The following MYO18B variants were observed in gnomAD, a reference collection of about 807,000 sequenced individuals.
MYO18B encodes the protein unconventional myosin-XVIIIb.
MYO18B carries 204 observed loss-of-function variants against 273.0 expected under a neutral mutation model. The ratio of observed to expected loss-of-function variants is 0.75; its 90% CI spans 0.67 to 0.84. The LOEUF (loss-of-function observed/expected upper bound fraction) is 0.84, where lower values mean the gene tolerates loss of function less well. Among genes scored for constraint, MYO18B ranks in the 40% least tolerant of loss-of-function variants. MYO18B has a pLI of 0.00. For synonymous variants in MYO18B, 1,330 were observed against 1,305.7 expected (o/e 1.02, Z -0.40); for missense variants, 3,212 against 3,287.6 (o/e 0.98, Z 0.56).
At chr22:25,833,284 G>T (rs1430150075) in intron 16 of MYO18B, among the ~76,000 whole-genome samples, 2 of 152,186 alleles carry the variant, frequency 1.3e-5, no homozygotes, top group Non-Finnish European at 2.9e-5. Context: ...GGGAGCCTGA[G>T]GCCTGAGCCA....
chr22:26,016,072 A>G (rs763420170), intron 42 of MYO18B, among the ~76,000 whole-genome samples: 1 of 152,146 alleles, frequency 6.6e-6, no homozygotes, highest in Non-Finnish European at 1.5e-5. Flanking sequence ...TGAGTCTGAG[A>G]TTTTCTGTCA....
At chr22:25,880,142 T>C (rs1289554160) in intron 25 of MYO18B, among the ~76,000 whole-genome samples, 1 of 152,188 alleles carries the variant, frequency 6.6e-6, no homozygotes. Context: ...TGCTGTTCTA[T>C]GTAGACTTTC....
chr22:26,021,021 A>C (rs1474337869), intron 42 of MYO18B, among the ~76,000 whole-genome samples: 1 of 152,224 alleles, frequency 6.6e-6, no homozygotes, highest in African/African-American at 2.4e-5. Context: ...CCCTGGAGGC[A>C]GAGTTTGCAG....
At chr22:25,982,573 A>G (rs1219938522) in intron 39 of MYO18B, among the ~76,000 whole-genome samples, 1 of 152,208 alleles carries the variant, frequency 6.6e-6, no homozygotes, top group African/African-American at 2.4e-5. Flanking sequence ...CTAGGGGACA[A>G]TCTGTTCCAG....
At chr22:26,032,695 A>AT (rs938022383), downstream of MYO18B, among the ~76,000 whole-genome samples, 20 of 151,572 alleles carry the variant, frequency 1.3e-4, no homozygotes, top group Middle Eastern at 3.4e-3. Flanking sequence ...CTAATTTTGC[A>AT]TTTTTTTAGT....
intron 27 of MYO18B, among the ~76,000 whole-genome samples, chr22:25,893,926 A>C (rs2091731545): frequency 6.6e-6 from 1 of 151,302 alleles, no homozygotes; most frequent in African/African-American, 2.4e-5. Flanking sequence ...TGTCTACACT[A>C]ACATCCATCC....
intron 1 of MYO18B, among the ~76,000 whole-genome samples, chr22:25,752,788 C>G (rs976749573): frequency 1.3e-5 from 2 of 152,204 alleles, no homozygotes; most frequent in African/African-American, 2.4e-5. Context: ...CTAGGCTGGC[C>G]GAGGCCGGAG....
chr22:25,856,587 G>A (rs1250171918), intron 21 of MYO18B, among the ~76,000 whole-genome samples: 1 of 152,188 alleles, frequency 6.6e-6, no homozygotes, highest in Non-Finnish European at 1.5e-5. Flanking sequence ...CATTTCAGAA[G>A]TAGGTGATGC....
At position 25,768,594 on chromosome 22, in the gene MYO18B, AG is replaced by A; in HGVS notation, c.680del (p.Gly227GlufsTer5). 1 of 1,529,786 alleles carries A rather than the reference AG, an allele frequency of 6.5e-7. No homozygotes were observed. The highest frequency in any genetic ancestry group is 8.7e-7 in the Non-Finnish European group (1 of 1,143,496). 94.8% of individuals were successfully genotyped at this position (1,529,786 alleles called of 1,614,324 possible). On this transcript the variant is annotated frameshift_variant, in exon 4 of 44. Transcript: ENST00000335473. LOFTEE classifies it high-confidence loss of function. ...RTGGLGDPGQGTVALKKGEEG... is the reference protein window; with the variant it reads ...RTGGLGDPGQXTVALKKGEEG... ...CTGGGGGTCTTGGGGACCCAGGCCA[AG>A]GAACTGTGGCACTGAAAAAAGGCGA...
At chr22:25,788,794 T>G (rs932292749) in intron 11 of MYO18B, among the ~76,000 whole-genome samples, 10 of 152,244 alleles carry the variant, frequency 6.6e-5, no homozygotes, top group African/African-American at 2.4e-4. Flanking sequence ...GCTGGTTCCA[T>G]CTCCACTGAA....
At position 25,768,177 on chromosome 22, in the gene MYO18B, C is replaced by G; in HGVS notation, c.261C>G (p.Ser87Arg). The G allele has an allele frequency of 6.2e-7, 1 of 1,613,162 alleles. No homozygotes were observed. Among genetic ancestry groups the G allele is most frequent in the Non-Finnish European group, 8.5e-7 (1 of 1,179,604 alleles). ...CCAGCAGTGGCACCAGATCTGGAAGCCAGCAGATCTCTCAGGACGACCAGT... is the reference window on the plus strand; with the variant it reads ...CCAGCAGTGGCACCAGATCTGGAAGGCAGCAGATCTCTCAGGACGACCAGT... The part of the protein sequence containing the change: ...SKSSSGTRSG[S>R]QQISQDDQSS... The change falls in exon 4 of 44, where the codon AGC becomes AGG. Residue 87 changes from serine (S) to arginine (R), a missense_variant. Coordinates refer to ENST00000335473, the MANE Select transcript of MYO18B (RefSeq NM_032608.7).
chr22:25,904,259 G>A (rs564695851), intron 31 of MYO18B, among the ~76,000 whole-genome samples: 2 of 152,264 alleles, frequency 1.3e-5, no homozygotes, highest in African/African-American at 4.8e-5. Flanking sequence ...CTAGAGCCTA[G>A]AATGAGGCCA....
intron 12 of MYO18B, among the ~76,000 whole-genome samples, chr22:25,806,133 A>C (rs5761224): frequency 1.3e-5 from 2 of 152,182 alleles, no homozygotes; most frequent in Admixed American, 1.3e-4. Flanking sequence ...GAGCCATGTG[A>C]CTTCTTGGCA....
chr22:26,007,522 T>C (rs1001022), intron 42 of MYO18B, among the ~76,000 whole-genome samples: 18,707 of 152,252 alleles, frequency 0.12, 2,351 homozygotes, highest in African/African-American at 0.32. Flanking sequence ...GTACTAAAAC[T>C]GCCTAAGGAT....
chr22:25,948,100 A>G (rs2092736148), intron 36 of MYO18B, among the ~76,000 whole-genome samples: 1 of 152,050 alleles, frequency 6.6e-6, no homozygotes, highest in East Asian at 1.9e-4. Context: ...CCCATCGATC[A>G]TTCATCTGCT....
chr22:25,962,329 TAG>T (rs2092926785), intron 39 of MYO18B, among the ~76,000 whole-genome samples: 1 of 152,192 alleles, frequency 6.6e-6, no homozygotes, highest in South Asian at 2.1e-4. Flanking sequence ...CTTGTCTTCC[TAG>T]AGAGAGAAAC....
chr22:26,017,377 T>TCCCC (rs772974234), intron 42 of MYO18B, among the ~76,000 whole-genome samples: 69 of 151,460 alleles, frequency 4.6e-4, no homozygotes, highest in Admixed American at 1.6e-3. Context: ...CCTTCCTCCC[T>TCCCC]CCCCTCCTCC....
In MYO18B at chr22:25,893,758, T is replaced by C. The variant is rs189086638; in HGVS notation, c.4544-1398T>C. Among the ~76,000 whole-genome samples, 7 of 151,828 alleles carry C rather than the reference T, an allele frequency of 4.6e-5. No homozygotes were observed. The East Asian group carries it at 1.2e-3, about 25-fold the overall frequency. On this transcript the variant is annotated intron_variant, in intron 27 of 43. Coordinates refer to ENST00000335473, the MANE Select transcript of MYO18B (RefSeq NM_032608.7). Reference sequence around the variant, plus strand: ...AGAACTTAATCCTACCATCCATCCATCTATCCATCCATCCACCCATCCACC... The same window carrying C: ...AGAACTTAATCCTACCATCCATCCACCTATCCATCCATCCACCCATCCACC...
At chr22:25,947,051 G>A (rs2092720287) in intron 35 of MYO18B, among the ~76,000 whole-genome samples, 1 of 152,084 alleles carries the variant, frequency 6.6e-6, no homozygotes, top group African/African-American at 2.4e-5. Context: ...ATAGGCAAAT[G>A]CTTATCTCAA....
Sources: gnomAD v4.1 joint callset for allele counts (sites outside exome capture counted in the v4.1 genomes callset) on GRCh38, gnomAD v4.1.1 for gene constraint, MANE v1.5 for transcripts, NCBI Gene and HGNC (gene_info 2026-07-23, HGNC 2026-07-21) for gene names.